Variants in NCALD observed in about 807,000 individuals in gnomAD.
NCALD encodes the protein neurocalcin delta, also known as neurocalcin-delta.
NCALD carries 10 observed loss-of-function variants against 18.6 expected under a neutral mutation model. The observed-to-expected ratio is 0.54, with a 90% confidence interval of 0.33 to 0.91. NCALD has a LOEUF of 0.91. Ranked by LOEUF, NCALD falls within the 40% of genes least tolerant of loss-of-function variation. The pLI is 0.03. For missense variants in NCALD, 184 were observed against 247.6 expected, an observed-to-expected ratio of 0.74 and a Z score of 1.72; for synonymous variants, 88 against 87.4, an observed-to-expected ratio of 1.01 and a Z score of -0.04.
At chr8:102,074,972 C>T (rs1456120426) in intron 1 of NCALD, among the ~76,000 whole-genome samples, 1 of 152,056 alleles carries the variant, frequency 6.6e-6, no homozygotes, top group African/African-American at 2.4e-5. Context: ...AAGGTGATAA[C>T]GTGGCTGCTA....
At chr8:101,932,167 G>C (rs1046879800) in intron 2 of NCALD, among the ~76,000 whole-genome samples, 1 of 152,154 alleles carries the variant, frequency 6.6e-6, no homozygotes, top group African/African-American at 2.4e-5. Context: ...GTTGTGTCCA[G>C]GGCATGTTCT....
chr8:101,905,157 G>C (rs1387377217), intron 3 of NCALD, among the ~76,000 whole-genome samples: 2 of 152,054 alleles, frequency 1.3e-5, no homozygotes, highest in Non-Finnish European at 2.9e-5. Context: ...TTTCTTCAGA[G>C]CTCCTCTCCA....
At chr8:101,987,719 A>T (rs1055452521) in intron 2 of NCALD, among the ~76,000 whole-genome samples, 1 of 152,194 alleles carries the variant, frequency 6.6e-6, no homozygotes, top group African/African-American at 2.4e-5. Flanking sequence ...GATGTATTAC[A>T]TCTTTCCACC....
rs75869867 is a variant in NCALD at position 101,951,627 on chromosome 8, G to T, written c.-156-35769C>A. Among the ~76,000 whole-genome samples the T allele has an allele frequency of 8.1e-3, 1,239 of 152,296 alleles. 14 individuals carry two copies. The highest frequency in any genetic ancestry group is 0.029 in the African/African-American group (1,196 of 41,562). ...AGGTGATTCCTAAAACACTTCATGTGTGTATCATATTTTAACATTCCTCCC... is the reference window on the plus strand; with the variant it reads ...AGGTGATTCCTAAAACACTTCATGTTTGTATCATATTTTAACATTCCTCCC... On this transcript the variant is annotated intron_variant, in intron 2 of 6. Coordinates refer to the NCALD transcript ENST00000311028.
intron 1 of NCALD, among the ~76,000 whole-genome samples, chr8:102,081,566 AAAAAAAAAAACC>A (rs1824534374): frequency 1.1e-5 from 1 of 90,126 alleles, no homozygotes; most frequent in Non-Finnish European, 2.1e-5. Context: ...AAAAAAAAAA[AAAAAAAAAAACC>A]CCAAAAAAAA....
intron 2 of NCALD, among the ~76,000 whole-genome samples, chr8:101,997,376 A>AT (rs934980770): frequency 1.0e-3 from 155 of 150,100 alleles, no homozygotes; most frequent in Middle Eastern, 3.4e-3. Flanking sequence ...GCATGCTTTT[A>AT]TTTTTTTTTT....
chr8:101,989,622 G>A (rs1820965769), intron 2 of NCALD, among the ~76,000 whole-genome samples: 1 of 152,202 alleles, frequency 6.6e-6, no homozygotes, highest in Non-Finnish European at 1.5e-5. Context: ...GTTTAAAGGA[G>A]ACAGGAAATA....
intron 2 of NCALD, among the ~76,000 whole-genome samples, chr8:101,944,564 G>C (rs74430277): frequency 0.011 from 1,721 of 152,318 alleles, 25 homozygotes; most frequent in African/African-American, 0.04. Context: ...CTGCCTTCCA[G>C]TGCCCCAGAA....
chr8:101,860,249 G>T (rs940884065), intron 4 of NCALD, among the ~76,000 whole-genome samples: 1 of 152,118 alleles, frequency 6.6e-6, no homozygotes, highest in African/African-American at 2.4e-5. Flanking sequence ...GGAAACTACC[G>T]GAGGTTAGGT....
intron 2 of NCALD, among the ~76,000 whole-genome samples, chr8:101,706,821 T>A (rs1027311009): frequency 4.6e-5 from 7 of 152,268 alleles, no homozygotes. Context: ...TCATTCATGT[T>A]TGCCAGATAC....
At chr8:101,935,722 A>G (rs1731503568) in intron 2 of NCALD, among the ~76,000 whole-genome samples, 1 of 151,880 alleles carries the variant, frequency 6.6e-6, no homozygotes. Context: ...GAGTCTGGAC[A>G]ACTCTTTTGC....
intron 1 of NCALD, among the ~76,000 whole-genome samples, chr8:102,076,106 T>C (rs1286511313): frequency 6.6e-6 from 1 of 152,026 alleles, no homozygotes; most frequent in Admixed American, 6.5e-5. Context: ...TATGCTATCA[T>C]TAAAATTCTA....
chr8:101,837,970 T>A (rs1168148111), intron 4 of NCALD, among the ~76,000 whole-genome samples: 1 of 152,194 alleles, frequency 6.6e-6, no homozygotes, highest in Non-Finnish European at 1.5e-5. Context: ...ATCATGTCTA[T>A]CTTATATACC....
chr8:101,744,257 T>A (rs1476339712), intron 1 of NCALD, among the ~76,000 whole-genome samples: 1 of 152,182 alleles, frequency 6.6e-6, no homozygotes, highest in Non-Finnish European at 1.5e-5. Context: ...TCTACCTGTA[T>A]CAACCTAGAT....
chr8:102,104,454 A>G (rs1353411606), intron 1 of NCALD, among the ~76,000 whole-genome samples: 1 of 152,098 alleles, frequency 6.6e-6, no homozygotes, highest in Non-Finnish European at 1.5e-5. Flanking sequence ...TTGCAAATCC[A>G]ATAACCATTT....
At chr8:101,818,282 G>A (rs949298568) in intron 4 of NCALD, among the ~76,000 whole-genome samples, 6 of 152,046 alleles carry the variant, frequency 3.9e-5, no homozygotes, top group Admixed American at 2.6e-4. Flanking sequence ...TATTTAGGTA[G>A]CGATTTCCTT....
intron 2 of NCALD, among the ~76,000 whole-genome samples, chr8:102,005,217 G>T (rs1266934708): frequency 2.0e-5 from 3 of 152,146 alleles, no homozygotes; most frequent in Non-Finnish European, 4.4e-5. Flanking sequence ...GTGGGCGAAG[G>T]ATATGAACAG....
intron 2 of NCALD, among the ~76,000 whole-genome samples, chr8:101,973,723 G>A (rs1820324166): frequency 6.6e-6 from 1 of 152,280 alleles, no homozygotes; most frequent in Non-Finnish European, 1.5e-5. Context: ...AGAAATCAGA[G>A]CAAGAGTGGA....
intron 2 of NCALD, chr8:101,693,214 G>A (rs1372598084): frequency 1.2e-5 from 3 of 249,252 alleles, no homozygotes; most frequent in South Asian, 4.8e-5. Flanking sequence ...GTAGTGGCAC[G>A]CTTACGGCTC....
Sources: gnomAD v4.1 joint callset for allele counts (sites outside exome capture counted in the v4.1 genomes callset) on GRCh38, gnomAD v4.1.1 for gene constraint, MANE v1.5 for transcripts, NCBI Gene and HGNC (gene_info 2026-07-23, HGNC 2026-07-21) for gene names.